The following CALD1 variants were observed in gnomAD, a reference collection of about 807,000 sequenced individuals.
CALD1 encodes caldesmon.
CALD1 carries 33 observed loss-of-function variants against 99.9 expected under a neutral mutation model. That is an observed-to-expected ratio of 0.33 (90% CI 0.25 to 0.44). The LOEUF is 0.44. CALD1 is among the 20% of genes least tolerant of loss of function. The pLI is 1.00. For missense variants in CALD1, 861 were observed against 962.1 expected, an observed-to-expected ratio of 0.89 and a Z score of 1.39; for synonymous variants, 310 against 325.0, an observed-to-expected ratio of 0.95 and a Z score of 0.50.
At chr7:134,870,627 T>C (rs983828140) in intron 3 of CALD1, among the ~76,000 whole-genome samples, 21 of 152,230 alleles carry the variant, frequency 1.4e-4, no homozygotes, top group African/African-American at 4.6e-4. Context: ...TTTATATTTC[T>C]GTCTGTATTA....
In CALD1 at chr7:134,965,374, T is replaced by A; in HGVS notation, c.2364T>A (p.Thr788=). ...AAAAGCAATCTGTGGATAAGGTCACTTCCCCCACTAAGGTAATCTATTGGG... is the reference window on the plus strand; with the variant it reads ...AAAAGCAATCTGTGGATAAGGTCACATCCCCCACTAAGGTAATCTATTGGG... ...LWEKQSVDKV[T]SPTKV The change falls in exon 14 of 15, where the codon ACT becomes ACA. Residue 788 remains threonine, a synonymous_variant. Coordinates refer to ENST00000361675, the MANE Select transcript of CALD1 (RefSeq NM_033138.4). The A allele has an allele frequency of 6.6e-7, 1 of 1,517,742 alleles. No homozygotes were observed. Among genetic ancestry groups the A allele is most frequent in the Non-Finnish European group, 9.2e-7 (1 of 1,092,004 alleles). The allele number at this position is 1,517,742 out of a possible 1,614,324, so 94.0% of individuals were successfully genotyped here. A position where few individuals can be genotyped will look rare whatever the true frequency, so the allele number is the denominator to read the frequency against.
chr7:134,784,203 G>T (rs532575178), intron 1 of CALD1, among the ~76,000 whole-genome samples: 7 of 152,286 alleles, frequency 4.6e-5, no homozygotes, highest in Non-Finnish European at 7.4e-5. Flanking sequence ...GCATTGTTTT[G>T]TGAATACTCC....
At chr7:134,951,693 A>G (rs764267715) in intron 9 of CALD1, among the ~76,000 whole-genome samples, 15 of 152,176 alleles carry the variant, frequency 9.9e-5, no homozygotes, top group Non-Finnish European at 2.2e-4. Flanking sequence ...AGAGAACAGA[A>G]AAGGAGCAGG....
intron 1 of CALD1, among the ~76,000 whole-genome samples, chr7:134,792,239 C>T (rs1327922915): frequency 6.6e-6 from 1 of 151,542 alleles, no homozygotes; most frequent in Non-Finnish European, 1.5e-5. Flanking sequence ...TCTTTGTGTT[C>T]ACAAGGCATT....
upstream of CALD1, among the ~76,000 whole-genome samples, chr7:134,775,017 A>G (rs1796905862): frequency 1.6e-5 from 2 of 122,588 alleles, no homozygotes; most frequent in South Asian, 7.0e-4. Flanking sequence ...TTTATGTTAT[A>G]TACCCTATGA....
upstream of CALD1, chr7:134,744,162 T>C (rs1456940170): frequency 6.6e-6 from 1 of 152,186 alleles, no homozygotes; most frequent in East Asian, 1.9e-4. Flanking sequence ...TAGCAGCTTG[T>C]AGTAATGAGA....
chr7:134,717,386 T>C, the CALD1 span, among the ~76,000 whole-genome samples: 1 of 152,064 alleles, frequency 6.6e-6, no homozygotes, highest in East Asian at 1.9e-4. Flanking sequence ...AAAAGCAGAG[T>C]GACCTTGGTA....
intron 14 of CALD1, 119 bp downstream of exon 14, chr7:134,965,505 A>G (rs1331792231): frequency 1.5e-5 from 10 of 678,216 alleles, no homozygotes; most frequent in Non-Finnish European, 2.7e-5. Context: ...CTGCACACCC[A>G]TCAGTGTCTA....
chr7:134,936,689 G>A (rs1806007375), intron 6 of CALD1, among the ~76,000 whole-genome samples: 1 of 152,118 alleles, frequency 6.6e-6, no homozygotes, highest in Non-Finnish European at 1.5e-5. Context: ...GATTAAATAG[G>A]GGGTGGGTTA....
At chr7:134,930,594 A>G (rs759823308) in intron 4 of CALD1, among the ~76,000 whole-genome samples, 6 of 152,194 alleles carry the variant, frequency 3.9e-5, no homozygotes, top group Non-Finnish European at 7.3e-5. Flanking sequence ...CTTTCCCTCA[A>G]TAAGTAGCTT....
At chr7:134,737,701 T>G in the CALD1 span, among the ~76,000 whole-genome samples, 2 of 152,306 alleles carry the variant, frequency 1.3e-5, no homozygotes, top group Admixed American at 6.5e-5. Flanking sequence ...GATGGATTAT[T>G]TCCTCCAGTG....
intron 3 of CALD1, among the ~76,000 whole-genome samples, chr7:134,877,648 C>G (rs1586179261): frequency 1.3e-5 from 2 of 152,254 alleles, no homozygotes; most frequent in East Asian, 1.9e-4. Flanking sequence ...CTGAACAATA[C>G]AGTATAACAA....
At chr7:134,727,746 A>G in the CALD1 span, among the ~76,000 whole-genome samples, 1 of 152,138 alleles carries the variant, frequency 6.6e-6, no homozygotes. Context: ...GGGTTTGGCT[A>G]TCATCTCTCT....
intron 3 of CALD1, among the ~76,000 whole-genome samples, chr7:134,871,505 G>T (rs1801074406): frequency 1.3e-5 from 2 of 152,330 alleles, no homozygotes; most frequent in South Asian, 4.1e-4. Flanking sequence ...GTGTTGGGAA[G>T]TGTGTGCTTA....
chr7:134,879,195 C>T (rs1326173317), intron 3 of CALD1, among the ~76,000 whole-genome samples: 2 of 152,098 alleles, frequency 1.3e-5, no homozygotes, highest in Admixed American at 6.5e-5. Flanking sequence ...AATGGTGCTG[C>T]AAGAAAGTAC....
rs558081956 is a variant in CALD1 at position 134,760,800 on chromosome 7, C to T, written c.-130+16437C>T. 2.7e-3 allele frequency among the ~76,000 whole-genome samples: 417 copies of T among 152,194 alleles called. 3 individuals carry two copies. Among genetic ancestry groups the T allele is most frequent in the African/African-American group, 9.4e-3 (392 of 41,542 alleles). On this transcript the variant is annotated intron_variant, in intron 1 of 13. Transcript: ENST00000417172. Reference sequence around the variant, plus strand: ...ATGTTATAAAAATAATAAAACAAAACGAAACAAAAGAACAAAGTTCCAGAA... The same window carrying T: ...ATGTTATAAAAATAATAAAACAAAATGAAACAAAAGAACAAAGTTCCAGAA...
rs192075987 is a variant in CALD1, at chr7:134,769,714, T to C, written c.-130+25351T>C. 2.0e-5 allele frequency among the ~76,000 whole-genome samples: 3 copies of C among 152,324 alleles called. No individual in the cohort carries two copies. The East Asian group carries it at 5.8e-4, about 29-fold the overall frequency. Reference sequence around the variant, plus strand: ...GTGCAGTGGTGTGATCTTGGCTCCCTGCAACCTCCGCCTCCCGGGTTCAAG... The same window carrying C: ...GTGCAGTGGTGTGATCTTGGCTCCCCGCAACCTCCGCCTCCCGGGTTCAAG... On this transcript the variant is annotated intron_variant, in intron 1 of 13. Coordinates refer to the CALD1 transcript ENST00000417172.
intron 1 of CALD1, among the ~76,000 whole-genome samples, chr7:134,786,249 T>TA (rs1223843036): frequency 1.3e-5 from 2 of 152,248 alleles, no homozygotes; most frequent in African/African-American, 2.4e-5. Context: ...TAATATATCT[T>TA]ACATCATATG....
chr7:134,833,462 A>G (rs1799312040), intron 1 of CALD1, among the ~76,000 whole-genome samples: 1 of 152,210 alleles, frequency 6.6e-6, no homozygotes, highest in African/African-American at 2.4e-5. Flanking sequence ...TGTCCACGTT[A>G]CCATCAACCA....
Sources: gnomAD v4.1 joint callset for allele counts (sites outside exome capture counted in the v4.1 genomes callset) on GRCh38, gnomAD v4.1.1 for gene constraint, MANE v1.5 for transcripts, NCBI Gene and HGNC (gene_info 2026-07-23, HGNC 2026-07-21) for gene names.